OGFOD1: variants seen among roughly 807,000 people sequenced by gnomAD.
The protein encoded by OGFOD1 is 2-oxoglutarate and iron dependent oxygenase domain containing 1, also known as prolyl 3-hydroxylase OGFOD1.
OGFOD1 carries 54 observed loss-of-function variants against 67.7 expected under a neutral mutation model. The observed-to-expected ratio is 0.80, with a 90% CI of 0.64 to 1.00. OGFOD1 has a LOEUF of 1.00. OGFOD1 is among the 50% of genes least tolerant of loss of function. OGFOD1 has a pLI of 0.00. For missense variants in OGFOD1, 606 were observed against 646.7 expected, an observed-to-expected ratio of 0.94 and a Z score of 0.68; for synonymous variants, 221 against 227.0, an observed-to-expected ratio of 0.97 and a Z score of 0.24.
chr16:56,466,374 A>C (rs905826906), intron 5 of OGFOD1, 106 bp downstream of exon 5: 4 of 677,692 alleles, frequency 5.9e-6, no homozygotes, highest in Non-Finnish European at 1.0e-5. Flanking sequence ...TACTCCTCAA[A>C]GGAAGTGGAA....
At chr16:56,474,095 A>G (rs1963338661) in intron 10 of OGFOD1, among the ~76,000 whole-genome samples, 1 of 152,042 alleles carries the variant, frequency 6.6e-6, no homozygotes, top group Non-Finnish European at 1.5e-5. Context: ...ACAGATTGTA[A>G]TAGTTCATTT....
chr16:56,467,329 T>C, intron 7 of OGFOD1, 36 bp downstream of exon 7: 1 of 1,608,000 alleles, frequency 6.2e-7, no homozygotes, highest in South Asian at 1.1e-5. Context: ...TCTTAGGAGC[T>C]ATAGCATATC....
Position 56,466,207 on chromosome 16 carries a change from G to C in OGFOD1, c.504G>C (p.Leu168=). ...ELEGRRIAFI[L]YLVPPWDRSM... Reference sequence around the variant, plus strand: ...AAGGGCGCCGGATTGCCTTCATCCTGTACCTGGTTCCTCCCTGGGACAGGA... The same window carrying C: ...AAGGGCGCCGGATTGCCTTCATCCTCTACCTGGTTCCTCCCTGGGACAGGA... Residue 168 remains leucine (L), a synonymous_variant, in exon 5 of 13, where the codon CTG becomes CTC. Coordinates refer to ENST00000566157, the MANE Select transcript of OGFOD1 (RefSeq NM_018233.4). 4 of 1,614,146 alleles carry C rather than the reference G, an allele frequency of 2.5e-6. No homozygotes were observed. Among genetic ancestry groups the C allele is most frequent in the Non-Finnish European group, 3.4e-6 (4 of 1,180,000 alleles).
Position 56,466,983 on chromosome 16 carries a change from C to A in OGFOD1, c.657+16C>A. Reference sequence around the variant, plus strand: ...CTTTCACCAGGTAAAGACTGTAAGCCACAAATAGAGTAGCAAGGATTATGT... The same window carrying A: ...CTTTCACCAGGTAAAGACTGTAAGCAACAAATAGAGTAGCAAGGATTATGT... On this transcript the variant is annotated intron_variant, in intron 6 of 12. Transcript: ENST00000566157. 6.3e-7 allele frequency: 1 copy of A among 1,581,382 alleles called. No individual in the cohort carries two copies. Among genetic ancestry groups the A allele is most frequent in the South Asian group, 1.1e-5 (1 of 90,280 alleles).
chr16:56,467,154 TCTC>T lies in OGFOD1; in HGVS notation c.658-8_658-6del. The T allele has an allele frequency of 6.2e-7, 1 of 1,614,106 alleles. No homozygotes were observed. Among genetic ancestry groups the T allele is most frequent in the Admixed American group, 1.7e-5 (1 of 60,016 alleles). The stretch of plus-strand genomic sequence containing the variant: ...CTTCGTGTTGATGTGCTACTGGGCT[TCTC>T]CTTTCAGGTGTCTGAAGTGCTGTCT... On this transcript the variant is annotated splice_polypyrimidine_tract_variant and splice_region_variant and intron_variant, in intron 6 of 12. Transcript: ENST00000566157.
chr16:56,466,842 T>C, intron 5 of OGFOD1, 34 bp from the exon 6 acceptor site: 2 of 1,489,610 alleles, frequency 1.3e-6, no homozygotes, highest in Non-Finnish European at 1.9e-6. Flanking sequence ...AAGTGGTTAA[T>C]GATAATTTAT....
intron 12 of OGFOD1, 101 bp from the exon 13 acceptor site, chr16:56,475,943 A>T: frequency 9.1e-7 from 1 of 1,101,830 alleles, no homozygotes; most frequent in Non-Finnish European, 1.3e-6. Context: ...CTATCCCCAG[A>T]TTAAGTGCTT....
intron 8 of OGFOD1, among the ~76,000 whole-genome samples, chr16:56,468,361 A>C (rs1351119282): frequency 6.6e-6 from 1 of 152,222 alleles, no homozygotes; most frequent in African/African-American, 2.4e-5. Context: ...GATTACTAAT[A>C]GATCAATATC....
chr16:56,466,843 G>C (rs187982972), intron 5 of OGFOD1, 33 bp from the exon 6 acceptor site: 1 of 1,499,972 alleles, frequency 6.7e-7, no homozygotes, highest in East Asian at 2.3e-5. Flanking sequence ...AGTGGTTAAT[G>C]ATAATTTATT....
Position 56,451,607 on chromosome 16 carries a change from G to A in OGFOD1, c.-6G>A. ...TGCGTGGCGTGGTTCTGTGCCTTGG[G>A]AAGAGATGAATGGGAAGCGGCCAGC... On this transcript the variant is annotated 5_prime_UTR_variant, in exon 1 of 13. Coordinates refer to ENST00000566157, the MANE Select transcript of OGFOD1 (RefSeq NM_018233.4). 6.2e-7 allele frequency: 1 copy of A among 1,613,484 alleles called. No homozygotes were observed. The highest frequency in any genetic ancestry group is 8.5e-7 in the Non-Finnish European group (1 of 1,179,998).
chr16:56,456,636 C>G (rs933149264), intron 2 of OGFOD1, among the ~76,000 whole-genome samples: 6 of 152,176 alleles, frequency 3.9e-5, no homozygotes, highest in Non-Finnish European at 7.4e-5. Context: ...GCAACAGATA[C>G]GATAGTGGTC....
chr16:56,461,162 A>G (rs1354120053), intron 3 of OGFOD1, among the ~76,000 whole-genome samples: 2 of 152,260 alleles, frequency 1.3e-5, no homozygotes. Context: ...TAATAAATGT[A>G]TATTTGGTCT....
At chr16:56,456,575 G>A (rs1325462586) in intron 2 of OGFOD1, among the ~76,000 whole-genome samples, 3 of 152,150 alleles carry the variant, frequency 2.0e-5, no homozygotes, top group Middle Eastern at 3.2e-3. Context: ...GTGAAACTCT[G>A]CTATCTCTAC....
At chr16:56,461,334 A>G (rs1326189522) in intron 3 of OGFOD1, among the ~76,000 whole-genome samples, 1 of 152,184 alleles carries the variant, frequency 6.6e-6, no homozygotes, top group Non-Finnish European at 1.5e-5. Flanking sequence ...CTGAACTCCC[A>G]TGGAAGTGCT....
At chr16:56,471,180 C>T (rs554080488) in intron 10 of OGFOD1, among the ~76,000 whole-genome samples, 93 of 149,020 alleles carry the variant, frequency 6.2e-4, no homozygotes, top group African/African-American at 2.2e-3. Context: ...GGCAAAACCC[C>T]GTCTCTACTA....
Position 56,474,810 on chromosome 16 carries a change from C to G in OGFOD1, c.1286-18C>G, listed in dbSNP as rs747056950. The G allele has an allele frequency of 3.3e-6, 4 of 1,213,586 alleles. No individual in the cohort carries two copies. Among genetic ancestry groups the G allele is most frequent in the Non-Finnish European group, 2.3e-6 (2 of 884,944 alleles). 75.2% of individuals were successfully genotyped at this position (1,213,586 alleles called of 1,614,324 possible). A position where few individuals can be genotyped will look rare whatever the true frequency, so the allele number is the denominator to read the frequency against. ...AAGGTTATTTTTTAAAGTTTCTCAT[C>G]TTTTTTTTTTTCCTTAGAATCAAGT... is the stretch of plus-strand genomic sequence containing the variant. On this transcript the variant is annotated intron_variant, in intron 10 of 12. Transcript: ENST00000566157.
In OGFOD1 at chr16:56,476,399, T is replaced by G; in HGVS notation, c.*194T>G. The G allele has an allele frequency of 8.1e-6, 3 of 370,202 alleles. No homozygotes were observed. Among genetic ancestry groups the G allele is most frequent in the Non-Finnish European group, 1.4e-5 (3 of 216,648 alleles). The allele number at this position is 370,202 out of a possible 1,614,324, so 22.9% of individuals were successfully genotyped here. On this transcript the variant is annotated 3_prime_UTR_variant, in exon 13 of 13. Transcript: ENST00000566157. Reference sequence around the variant, plus strand: ...GAGCTTGCAGCTAAGTACTTATCTCTTGATTAAAAAAAAAAAGTTGGCTTT... The same window carrying G: ...GAGCTTGCAGCTAAGTACTTATCTCGTGATTAAAAAAAAAAAGTTGGCTTT...
At chr16:56,457,364 C>G (rs1236031378) in intron 2 of OGFOD1, among the ~76,000 whole-genome samples, 1 of 152,104 alleles carries the variant, frequency 6.6e-6, no homozygotes, top group African/African-American at 2.4e-5. Context: ...CCAGAATAGG[C>G]AAGTGGTTGC....
rs1373422651 is a variant in OGFOD1, at chr16:56,478,716, G to C, written c.*2511G>C. ...TAGAATACCTCACAAGTGTTAAAAT[G>C]TGCTTTTTAGTGTCTCCTTTATCTC... On this transcript the variant is annotated 3_prime_UTR_variant, in exon 13 of 13. Coordinates refer to ENST00000566157, the MANE Select transcript of OGFOD1 (RefSeq NM_018233.4). The C allele has an allele frequency of 6.6e-6, 1 of 152,156 alleles. No individual in the cohort carries two copies. Among genetic ancestry groups the C allele is most frequent in the Non-Finnish European group, 1.5e-5 (1 of 68,028 alleles). 9.4% of individuals were successfully genotyped at this position (152,156 alleles called of 1,614,324 possible). A position where few individuals can be genotyped will look rare whatever the true frequency, so the allele number is the denominator to read the frequency against.
Sources: allele counts gnomAD v4.1 joint callset (sites outside exome capture counted in the v4.1 genomes callset), GRCh38; gene constraint gnomAD v4.1.1; transcripts MANE v1.5; gene names NCBI Gene and HGNC (gene_info 2026-07-23, HGNC 2026-07-21).